The following UNC13C variants were observed in gnomAD, a reference collection of about 807,000 sequenced individuals.
UNC13C encodes unc-13 homolog C.
Under a neutral mutation model 245.4 loss-of-function variants are expected in UNC13C, and 174 were observed. The ratio of observed to expected loss-of-function variants is 0.71; its 90% CI spans 0.63 to 0.80. The LOEUF (loss-of-function observed/expected upper bound fraction) is 0.80, where lower values mean the gene tolerates loss of function less well. Among genes scored for constraint, UNC13C ranks in the 30% least tolerant of loss-of-function variants. The pLI is 0.00. For missense variants in UNC13C, 2,829 were observed against 2,602.9 expected (o/e 1.09, Z -1.89); for synonymous variants, 992 against 895.1 (o/e 1.11, Z -1.93).
chr15:54,463,740 G>A (rs778983332), intron 19 of UNC13C, among the ~76,000 whole-genome samples: 2 of 152,128 alleles, frequency 1.3e-5, no homozygotes, highest in African/African-American at 4.8e-5. Flanking sequence ...AAATCAGTTA[G>A]ACCAAGAACC....
chr15:54,263,202 T>C (rs2140888058), intron 8 of UNC13C, among the ~76,000 whole-genome samples: 1 of 152,298 alleles, frequency 6.6e-6, no homozygotes, highest in East Asian at 1.9e-4. Context: ...TTCGATTATT[T>C]TCACTGTATT....
At chr15:54,527,772 G>A (rs1171351242) in intron 25 of UNC13C, among the ~76,000 whole-genome samples, 1 of 152,106 alleles carries the variant, frequency 6.6e-6, no homozygotes, top group African/African-American at 2.4e-5. Context: ...TTAGTACTCT[G>A]TTCAATTAGG....
At position 54,014,818 on chromosome 15, in the gene UNC13C, G is replaced by T. The variant is rs1191170023; in HGVS notation, c.1915G>T (p.Asp639Tyr). Residue 639 changes from aspartate to tyrosine, a missense_variant, in exon 2 of 33, where the codon GAC (aspartate) becomes TAC (tyrosine). Transcript: ENST00000260323. The part of the protein sequence containing the change: ...MSNGMVCASG[D>Y]RSHYSDSQLS... Reference sequence around the variant, plus strand: ...TAATGGCATGGTGTGTGCATCTGGAGACCGGAGTCATTACAGTGATTCTCA... The same window carrying T: ...TAATGGCATGGTGTGTGCATCTGGATACCGGAGTCATTACAGTGATTCTCA... 6.2e-7 allele frequency: 1 copy of T among 1,613,874 alleles called. No individual in the cohort carries two copies.
At chr15:54,209,490 G>T (rs1479763306) in intron 4 of UNC13C, among the ~76,000 whole-genome samples, 1 of 151,722 alleles carries the variant, frequency 6.6e-6, no homozygotes, top group Admixed American at 6.6e-5. Context: ...ACGGCTCACT[G>T]CAGACTGGAA....
At chr15:54,024,774 G>A (rs1270094605) in intron 2 of UNC13C, among the ~76,000 whole-genome samples, 1 of 152,074 alleles carries the variant, frequency 6.6e-6, no homozygotes, top group East Asian at 1.9e-4. Context: ...AATTAGCCGG[G>A]CGTGGTCCCG....
the UNC13C span, among the ~76,000 whole-genome samples, chr15:53,851,042 CG>C: frequency 6.6e-6 from 1 of 151,616 alleles, no homozygotes; most frequent in Admixed American, 6.6e-5. Context: ...TGTTCTCTTT[CG>C]TATCTTCTAT....
intron 2 of UNC13C, among the ~76,000 whole-genome samples, chr15:54,105,292 T>A (rs1170241978): frequency 6.6e-6 from 1 of 151,548 alleles, no homozygotes; most frequent in Non-Finnish European, 1.5e-5. Context: ...CATGGGGGGG[T>A]CTCAGCAGTG....
chr15:54,124,223 G>T (rs2414269), intron 2 of UNC13C, among the ~76,000 whole-genome samples: 94,178 of 151,958 alleles, frequency 0.62, 30,070 homozygotes, highest in African/African-American at 0.78. Context: ...AATGTGTAAT[G>T]GCTTGTTGAA....
At chr15:53,910,581 T>G in the UNC13C span, among the ~76,000 whole-genome samples, 1 of 145,880 alleles carries the variant, frequency 6.9e-6, no homozygotes, top group Admixed American at 7.0e-5. Context: ...CTTTCCATCT[T>G]TGCAGACAGA....
chr15:53,840,870 G>C, the UNC13C span, among the ~76,000 whole-genome samples: 9 of 152,104 alleles, frequency 5.9e-5, no homozygotes, highest in Non-Finnish European at 8.8e-5. Flanking sequence ...GCTCACATAG[G>C]AGTAATCATG....
intron 19 of UNC13C, among the ~76,000 whole-genome samples, chr15:54,416,128 C>T (rs921944897): frequency 6.6e-6 from 1 of 152,056 alleles, no homozygotes. Flanking sequence ...TGTGGGCCAT[C>T]GTGAGGAGTT....
intron 2 of UNC13C, among the ~76,000 whole-genome samples, chr15:54,060,223 T>C (rs1342334086): frequency 2.0e-5 from 3 of 152,242 alleles, no homozygotes; most frequent in East Asian, 1.9e-4. Context: ...ACTCACCTGA[T>C]AGAGGGCTAA....
intron 8 of UNC13C, among the ~76,000 whole-genome samples, chr15:54,257,792 T>A (rs1262448967): frequency 6.6e-6 from 1 of 152,178 alleles, no homozygotes; most frequent in East Asian, 1.9e-4. Context: ...CCTGCTAACT[T>A]GAAGACTGGG....
chr15:54,533,135 A>C, intron 26 of UNC13C, 69 bp downstream of exon 26: 1 of 1,254,618 alleles, frequency 8.0e-7, no homozygotes, highest in Non-Finnish European at 1.1e-6. Context: ...TTTAAGAAAA[A>C]CATTGTTTTC....
At chr15:54,546,663 T>C in intron 26 of UNC13C, 59 bp from the exon 27 acceptor site, 2 of 1,169,280 alleles carry the variant, frequency 1.7e-6, no homozygotes, top group Non-Finnish European at 2.3e-6. Flanking sequence ...CGTAAAGGCC[T>C]AAATTGATAC....
chr15:54,201,753 C>A (rs958186635), intron 4 of UNC13C, among the ~76,000 whole-genome samples: 1 of 151,960 alleles, frequency 6.6e-6, no homozygotes, highest in Non-Finnish European at 1.5e-5. Flanking sequence ...AGAACTGGAA[C>A]AAGTCAAGAA....
At position 53,986,934 on chromosome 15, in the gene UNC13C, C is replaced by T. The variant is rs142702107; in HGVS notation, c.-257+8007C>T. Among the ~76,000 whole-genome samples the T allele has an allele frequency of 1.6e-4, 24 of 152,100 alleles. No individual in the cohort carries two copies. The East Asian group carries it at 4.6e-3, about 29-fold the overall frequency. On this transcript the variant is annotated intron_variant, in intron 1 of 32. Coordinates refer to ENST00000260323, the MANE Select transcript of UNC13C (RefSeq NM_001080534.3). ...AGATCCTATTTATCAGGAATTCAAA[C>T]ATTAATGAACAATTAACTAATTTAT...
At chr15:54,626,239 TCTAA>T (rs1161295330) in intron 32 of UNC13C, among the ~76,000 whole-genome samples, 9 of 152,202 alleles carry the variant, frequency 5.9e-5, no homozygotes, top group South Asian at 4.1e-4. Flanking sequence ...ACTTGACAGG[TCTAA>T]CTGTTACCAT....
intron 17 of UNC13C, among the ~76,000 whole-genome samples, chr15:54,370,845 CCTT>C (rs1423151096): frequency 6.6e-6 from 1 of 151,894 alleles, no homozygotes; most frequent in African/African-American, 2.4e-5. Context: ...ATTAAAATAT[CCTT>C]CATTAAAATA....
Sources: gnomAD v4.1 joint callset for allele counts (sites outside exome capture counted in the v4.1 genomes callset) on GRCh38, gnomAD v4.1.1 for gene constraint, MANE v1.5 for transcripts, NCBI Gene and HGNC (gene_info 2026-07-23, HGNC 2026-07-21) for gene names.